LAMC3: variants seen among roughly 807,000 people sequenced by gnomAD.
LAMC3 encodes laminin subunit gamma 3.
LAMC3 carries 128 observed loss-of-function variants against 173.8 expected under a neutral mutation model. The observed-to-expected ratio is 0.74, with a 90% CI of 0.64 to 0.85. The LOEUF is 0.85. LAMC3 is among the 40% of genes least tolerant of loss of function. The pLI is 0.00. For missense variants in LAMC3, 2,022 were observed against 2,156.0 expected (o/e 0.94, Z 1.23); for synonymous variants, 897 against 909.1 (o/e 0.99, Z 0.24).
intron 1 of LAMC3, among the ~76,000 whole-genome samples, chr9:131,018,911 A>G (rs184962772): frequency 6.6e-6 from 1 of 152,218 alleles, no homozygotes; most frequent in African/African-American, 2.4e-5. Flanking sequence ...CATAGGTTTG[A>G]GCGCCTTGTT....
intron 8 of LAMC3, among the ~76,000 whole-genome samples, chr9:131,046,901 C>T (rs754408350): frequency 6.6e-5 from 10 of 152,088 alleles, no homozygotes; most frequent in Non-Finnish European, 1.3e-4. Flanking sequence ...ACATGAGGGC[C>T]GCGCGCCCTC....
Position 131,075,904 on chromosome 9 carries a change from C to A in LAMC3, c.3568C>A (p.Leu1190Ile). 1 of 1,612,362 alleles carries A rather than the reference C, an allele frequency of 6.2e-7. No homozygotes were observed. Among genetic ancestry groups the A allele is most frequent in the Non-Finnish European group, 8.5e-7 (1 of 1,179,042 alleles). ...GCTCGCCTCCAACACCAGCTACGCG[C>A]TTCTCTGGAATCTGCTGGAGGGAAG... is the stretch of plus-strand genomic sequence containing the variant. ...ALLASNTSYA[L>I]LWNLLEGRVA... The change falls in exon 21 of 28, where the codon CTT (leucine) becomes ATT (isoleucine). Residue 1190 changes from leucine to isoleucine, a missense_variant. Leu to Ile is a conservative substitution (Grantham distance 5). Coordinates refer to ENST00000361069, the MANE Select transcript of LAMC3 (RefSeq NM_006059.4).
In LAMC3 at chr9:131,084,244, T is replaced by G. The variant is rs562148230; in HGVS notation, c.4031-1280T>G. Among the ~76,000 whole-genome samples, 42 of 152,142 alleles carry G rather than the reference T, an allele frequency of 2.8e-4. 1 individual carries two copies. The South Asian group carries it at 8.1e-3, about 29-fold the overall frequency. Reference sequence around the variant, plus strand: ...ATTTTTTTTTGAGTTGGGGTCTCACTCTGTCACCCAGGCTGGAGTGCAGTG... The same window carrying G: ...ATTTTTTTTTGAGTTGGGGTCTCACGCTGTCACCCAGGCTGGAGTGCAGTG... On this transcript the variant is annotated intron_variant, in intron 24 of 27. Coordinates refer to ENST00000361069, the MANE Select transcript of LAMC3 (RefSeq NM_006059.4).
At chr9:131,052,791 C>G in intron 10 of LAMC3, 59 bp from the exon 11 acceptor site, 1 of 1,295,632 alleles carries the variant, frequency 7.7e-7, no homozygotes, top group South Asian at 1.2e-5. Flanking sequence ...CCCCCATCCC[C>G]AGGCATGGTA....
chr9:131,082,953 G>A (rs1462100313), intron 24 of LAMC3, among the ~76,000 whole-genome samples: 1 of 152,228 alleles, frequency 6.6e-6, no homozygotes, highest in Admixed American at 6.5e-5. Flanking sequence ...GGATGGGCTG[G>A]TCAGTGCTCC....
At chr9:131,041,947 A>C (rs1271452925) in intron 7 of LAMC3, among the ~76,000 whole-genome samples, 1 of 152,210 alleles carries the variant, frequency 6.6e-6, no homozygotes, top group Non-Finnish European at 1.5e-5. Flanking sequence ...CTTTGATTCA[A>C]CACCACTGAT....
intron 2 of LAMC3, among the ~76,000 whole-genome samples, chr9:131,031,080 C>T (rs75719587): frequency 2.3e-4 from 35 of 152,352 alleles, no homozygotes; most frequent in Admixed American, 5.2e-4. Context: ...CCTGGGTCCC[C>T]GGCAGTAGCT....
chr9:131,013,233 G>A (rs1224456212), intron 1 of LAMC3, among the ~76,000 whole-genome samples: 1 of 152,196 alleles, frequency 6.6e-6, no homozygotes, highest in African/African-American at 2.4e-5. Context: ...CCTAACTGCT[G>A]TACTTGGGAA....
rs757260958 is a variant in LAMC3, at chr9:131,082,044, C to T, written c.3928-15C>T. The T allele has an allele frequency of 9.9e-6, 16 of 1,608,574 alleles. No homozygotes were observed. In the East Asian group the frequency reaches 1.1e-4, roughly 11 times the overall value. ...TGTGGAGCCAGCTGCCCAGCCTCTC[C>T]TCATCTCTCTCCAGCTGCACCAGGA... On this transcript the variant is annotated splice_polypyrimidine_tract_variant and intron_variant, in intron 23 of 27. Coordinates refer to ENST00000361069, the MANE Select transcript of LAMC3 (RefSeq NM_006059.4).
intron 14 of LAMC3, among the ~76,000 whole-genome samples, chr9:131,067,482 C>T (rs1257470381): frequency 6.6e-6 from 1 of 152,184 alleles, no homozygotes; most frequent in African/African-American, 2.4e-5. Flanking sequence ...CTGCAGTCAG[C>T]ACGTATGGCT....
intron 9 of LAMC3, among the ~76,000 whole-genome samples, chr9:131,051,364 TC>T (rs1308943652): frequency 4.4e-4 from 31 of 70,976 alleles, no homozygotes; most frequent in African/African-American, 1.6e-3. Flanking sequence ...ATTTTACCAT[TC>T]TTTTTTTTTT....
intron 1 of LAMC3, among the ~76,000 whole-genome samples, chr9:131,016,905 T>C (rs1384887185): frequency 6.6e-6 from 1 of 152,092 alleles, no homozygotes; most frequent in Non-Finnish European, 1.5e-5. Context: ...CTTGTTCTAA[T>C]TTAAAAACTG....
At chr9:131,040,518 C>T (rs919587862) in intron 6 of LAMC3, among the ~76,000 whole-genome samples, 3 of 152,138 alleles carry the variant, frequency 2.0e-5, no homozygotes, top group African/African-American at 4.8e-5. Context: ...TGATAACGGG[C>T]ATCTTTGTAT....
At chr9:131,034,634 T>C (rs559025611) in intron 3 of LAMC3, among the ~76,000 whole-genome samples, 25 of 152,356 alleles carry the variant, frequency 1.6e-4, no homozygotes, top group African/African-American at 5.8e-4. Context: ...TGATGCCTCA[T>C]GTGTGGAATG....
intron 12 of LAMC3, among the ~76,000 whole-genome samples, chr9:131,057,576 G>A (rs1429667721): frequency 6.6e-6 from 1 of 152,196 alleles, no homozygotes; most frequent in East Asian, 1.9e-4. Context: ...GGTCACACAG[G>A]TGACAGCAGC....
intron 18 of LAMC3, 148 bp downstream of exon 18, chr9:131,071,773 T>A: frequency 1.4e-6 from 1 of 738,080 alleles, no homozygotes; most frequent in South Asian, 2.2e-5. Flanking sequence ...GTAACTTTAT[T>A]AATATCAGTC....
Position 131,029,856 on chromosome 9 carries a change from G to C in LAMC3, c.679-2189G>C, listed in dbSNP as rs1053306648. ...CTTAATGCCATGGCCTGAGTCCTGG[G>C]ATCCATCTAAAATCAACTCCAGCAC... is the stretch of plus-strand genomic sequence containing the variant. On this transcript the variant is annotated intron_variant, in intron 2 of 27. Transcript: ENST00000361069. This position sits in a 1 kb window ranked among gnomAD's most constrained non-coding sequence, Gnocchi z 4.6. 3.3e-5 allele frequency among the ~76,000 whole-genome samples: 5 copies of C among 152,182 alleles called. No individual in the cohort carries two copies. Among genetic ancestry groups the C allele is most frequent in the African/African-American group, 9.6e-5 (4 of 41,504 alleles).
At position 131,068,997 on chromosome 9, in the gene LAMC3, C is replaced by T. The variant is rs761506174; in HGVS notation, c.2837C>T (p.Ala946Val). The T allele has an allele frequency of 1.3e-5, 21 of 1,613,934 alleles. No homozygotes were observed. The highest frequency in any genetic ancestry group is 1.5e-5 in the Non-Finnish European group (18 of 1,180,012). The stretch of plus-strand genomic sequence containing the variant: ...TGCCGCCCAGGTGTCACAGGCCAGG[C>T]CTGTGACAGGTGCCAGCTGGGTTTC... ...CTCRPGVTGQACDRCQLGFFG... is the reference protein window; with the variant it reads ...CTCRPGVTGQVCDRCQLGFFG... The change falls in exon 16 of 28, where the codon GCC becomes GTC. Residue 946 changes from alanine (A) to valine (V), a missense_variant. Transcript: ENST00000361069.
intron 20 of LAMC3, among the ~76,000 whole-genome samples, chr9:131,074,040 G>A (rs1018137621): frequency 8.1e-5 from 12 of 148,880 alleles, no homozygotes; most frequent in South Asian, 6.5e-4. Flanking sequence ...TCCGCCTCCC[G>A]GGTTCGTGCC....
Sources: gnomAD v4.1 joint callset for allele counts (sites outside exome capture counted in the v4.1 genomes callset) on GRCh38, gnomAD v4.1.1 for gene constraint, Gnocchi (gnomAD v3.1) non-coding constraint, MANE v1.5 for transcripts, NCBI Gene and HGNC (gene_info 2026-07-23, HGNC 2026-07-21) for gene names.